The following CIT variants were observed in gnomAD, a reference collection of about 807,000 sequenced individuals.
The protein encoded by CIT is citron rho-interacting serine/threonine kinase, also known as citron Rho-interacting kinase.
A neutral mutation model predicts 272.7 loss-of-function variants in CIT; 79 were observed. The observed-to-expected ratio is 0.29, with a 90% CI of 0.24 to 0.35. The LOEUF is 0.35. CIT is among the 10% of genes least tolerant of loss of function. CIT has a pLI of 1.00. For missense variants in CIT, 1,909 were observed against 2,618.3 expected (o/e 0.73, Z 5.91); for synonymous variants, 948 against 995.6 (o/e 0.95, Z 0.90).
chr12:119,863,250 C>G (rs1340631008), intron 3 of CIT, among the ~76,000 whole-genome samples: 7 of 135,250 alleles, frequency 5.2e-5, no homozygotes, highest in Non-Finnish European at 1.1e-4. Flanking sequence ...CCTTAGCAAA[C>G]TAATGCAGGA....
At chr12:119,835,169 C>T (rs896426104) in intron 5 of CIT, among the ~76,000 whole-genome samples, 2 of 152,250 alleles carry the variant, frequency 1.3e-5, no homozygotes, top group African/African-American at 2.4e-5. Context: ...TGATGATAAA[C>T]AGGTGTGATA....
intron 13 of CIT, among the ~76,000 whole-genome samples, chr12:119,779,366 A>C (rs1201359370): frequency 6.6e-6 from 1 of 152,140 alleles, no homozygotes; most frequent in Non-Finnish European, 1.5e-5. Context: ...TTCCTCCATA[A>C]AAATTAAAAT....
intron 28 of CIT, among the ~76,000 whole-genome samples, chr12:119,727,205 A>AC (rs1356936689): frequency 6.6e-6 from 1 of 152,210 alleles, no homozygotes; most frequent in Non-Finnish European, 1.5e-5. Context: ...AATGACAGAG[A>AC]CCCTCTGGCC....
At chr12:119,727,956 T>C (rs1958210385) in intron 28 of CIT, among the ~76,000 whole-genome samples, 3 of 150,682 alleles carry the variant, frequency 2.0e-5, no homozygotes, top group South Asian at 4.2e-4. Context: ...AGAAATGAGC[T>C]ACCAGCTATG....
intron 10 of CIT, among the ~76,000 whole-genome samples, chr12:119,789,993 G>C (rs769626404): frequency 5.3e-5 from 8 of 151,732 alleles, no homozygotes; most frequent in Non-Finnish European, 1.0e-4. Flanking sequence ...GGATTACAGG[G>C]GTGAGCCACT....
In CIT at chr12:119,834,186, T is replaced by C. The variant is rs1459796424; in HGVS notation, c.559A>G (p.Asn187Asp). ...QPGGDLLSLLNRYEDQLDENL... is the reference protein window; with the variant it reads ...QPGGDLLSLLDRYEDQLDENL... ...TCATCTAACTGGTCCTCATATCTATTCAAAAGTGACAGCAAGTCCCCTCCA... is the reference window on the plus strand; with the variant it reads ...TCATCTAACTGGTCCTCATATCTATCCAAAAGTGACAGCAAGTCCCCTCCA... Residue 187 changes from asparagine to aspartate, a missense_variant, in exon 6 of 48, where the codon AAT (asparagine) becomes GAT (aspartate). Asn to Asp is a conservative substitution (Grantham distance 23). This residue lies in a region of CIT where 529 missense variants were observed against 549.6 expected (regional missense o/e 0.96). Coordinates refer to ENST00000392521, the MANE Select transcript of CIT (RefSeq NM_001206999.2). 6.2e-7 allele frequency: 1 copy of C among 1,613,850 alleles called. No homozygotes were observed. The highest frequency in any genetic ancestry group is 2.2e-5 in the East Asian group (1 of 44,884).
chr12:119,801,612 G>A (rs968922183), intron 10 of CIT, among the ~76,000 whole-genome samples: 2 of 152,142 alleles, frequency 1.3e-5, no homozygotes, highest in Admixed American at 6.5e-5. Flanking sequence ...CTTCCAGTAC[G>A]ACGTGTGACC....
At chr12:119,791,772 A>G (rs572482793) in intron 10 of CIT, among the ~76,000 whole-genome samples, 1 of 152,324 alleles carries the variant, frequency 6.6e-6, no homozygotes, top group South Asian at 2.1e-4. Flanking sequence ...CTCTGAAATC[A>G]ACATCTCTCC....
At chr12:119,812,334 C>G (rs1371395999) in intron 9 of CIT, among the ~76,000 whole-genome samples, 1 of 152,138 alleles carries the variant, frequency 6.6e-6, no homozygotes, top group African/African-American at 2.4e-5. Context: ...CCTTTCAGCA[C>G]CTTCCGCCAT....
At chr12:119,810,197 G>A (rs1966817852) in intron 9 of CIT, among the ~76,000 whole-genome samples, 1 of 152,190 alleles carries the variant, frequency 6.6e-6, no homozygotes, top group African/African-American at 2.4e-5. Context: ...TGGGGACTGA[G>A]ACCTCCACCT....
intron 16 of CIT, among the ~76,000 whole-genome samples, chr12:119,773,848 T>C (rs894034847): frequency 2.0e-5 from 3 of 152,198 alleles, no homozygotes; most frequent in Non-Finnish European, 4.4e-5. Context: ...ACGTGTCCTC[T>C]CACAAGCTTT....
In CIT at chr12:119,768,078, A is replaced by G. The variant is rs868017318; in HGVS notation, c.2209-896T>C. 4.1e-4 allele frequency among the ~76,000 whole-genome samples: 62 copies of G among 152,130 alleles called. No individual in the cohort carries two copies. Among genetic ancestry groups the G allele is most frequent in the African/African-American group, 1.4e-3 (58 of 41,488 alleles). ...AGGCATGCGCCACCATGCCCGGCTA[A>G]TTTTTGTATTTTTAGTAGAGGCGAG... On this transcript the variant is annotated intron_variant, in intron 18 of 47. Coordinates refer to ENST00000392521, the MANE Select transcript of CIT (RefSeq NM_001206999.2). The surrounding 1 kb of genome is among the most constrained non-coding windows in gnomAD (Gnocchi z 4.3).
chr12:119,828,998 G>C (rs545466253), intron 7 of CIT, among the ~76,000 whole-genome samples: 4 of 151,984 alleles, frequency 2.6e-5, no homozygotes, highest in African/African-American at 9.6e-5. Flanking sequence ...AGAAAGGAAG[G>C]AAGGAAGGAA....
At chr12:119,742,654 G>A in intron 23 of CIT, 190 bp from the exon 24 acceptor site, 1 of 511,664 alleles carries the variant, frequency 2.0e-6, no homozygotes. Context: ...ACACAATGCT[G>A]TGTTAATAAC....
Position 119,718,759 on chromosome 12 carries a change from C to A in CIT, c.3943G>T (p.Ala1315Ser), listed in dbSNP as rs1957679296. ...LALEKEKARCAELEEALQKTR... is the reference protein window; with the variant it reads ...LALEKEKARCSELEEALQKTR... The stretch of plus-strand genomic sequence containing the variant: ...TTCTGAAGGGCTTCCTCTAGCTCTG[C>A]ACAGCGAGCTTTCTCCTTCTCCAGG... Residue 1315 changes from alanine to serine, a missense_variant, in exon 31 of 48, where the codon GCA becomes TCA. Transcript: ENST00000392521. The surrounding 1 kb of genome is among the most constrained non-coding windows in gnomAD (Gnocchi z 4.8). The A allele has an allele frequency of 3.7e-6, 6 of 1,614,102 alleles. No individual in the cohort carries two copies. Among genetic ancestry groups the A allele is most frequent in the Non-Finnish European group, 5.1e-6 (6 of 1,180,016 alleles).
chr12:119,823,710 A>C lies in CIT; in HGVS notation c.958-737T>G, dbSNP rs555032554. On this transcript the variant is annotated intron_variant, in intron 8 of 47. Coordinates refer to ENST00000392521, the MANE Select transcript of CIT (RefSeq NM_001206999.2). ...AATACGTTCCTTTTCCTTTTGGTTG[A>C]AACTAAAACATATACATTTATCAGA... Among the ~76,000 whole-genome samples the C allele has an allele frequency of 1.4e-4, 21 of 152,286 alleles. No individual in the cohort carries two copies. In the East Asian group the frequency reaches 3.1e-3, roughly 22 times the overall value.
intron 28 of CIT, 59 bp from the exon 29 acceptor site, chr12:119,721,508 CT>C: frequency 6.9e-7 from 1 of 1,447,588 alleles, no homozygotes; most frequent in Non-Finnish European, 9.3e-7. Flanking sequence ...ATTTGTTCCC[CT>C]GCTGTTCCTA....
intron 5 of CIT, among the ~76,000 whole-genome samples, chr12:119,840,564 A>C (rs1969342193): frequency 6.6e-6 from 1 of 152,244 alleles, no homozygotes; most frequent in African/African-American, 2.4e-5. Context: ...AATTGAATTG[A>C]AGTCAATAAG....
chr12:119,826,354 A>G (rs1317195359), intron 7 of CIT, among the ~76,000 whole-genome samples: 1 of 152,190 alleles, frequency 6.6e-6, no homozygotes, highest in Non-Finnish European at 1.5e-5. Flanking sequence ...GATTAGGACA[A>G]TACAGGAGGG....
Sources: allele counts gnomAD v4.1 joint callset (sites outside exome capture counted in the v4.1 genomes callset), GRCh38; gene constraint gnomAD v4.1.1; regional missense constraint gnomAD v4.1.1; non-coding constraint Gnocchi (gnomAD v3.1); transcripts MANE v1.5; gene names NCBI Gene and HGNC (gene_info 2026-07-23, HGNC 2026-07-21).